The following OTUD7A variants were observed in gnomAD, a reference collection of about 807,000 sequenced individuals.
The protein encoded by OTUD7A is OTU domain-containing protein 7A.
OTUD7A carries 12 observed loss-of-function variants against 65.7 expected under a neutral mutation model. That is an observed-to-expected ratio of 0.18 (90% CI 0.12 to 0.30). The LOEUF is 0.30. Ranked by LOEUF, OTUD7A falls within the 10% of genes least tolerant of loss-of-function variation. The probability of loss-of-function intolerance (pLI) is 1.00; values close to 1 mark genes in which losing one functional copy is unlikely to be tolerated. For missense variants in OTUD7A, 1,148 were observed against 1,304.8 expected (o/e 0.88, Z 1.85); for synonymous variants, 641 against 586.3 (o/e 1.09, Z -1.35).
At position 31,669,688 on chromosome 15, in the gene OTUD7A, T is replaced by A. The variant is rs2141294119; in HGVS notation, c.-99-12611A>T. Among the ~76,000 whole-genome samples the A allele has an allele frequency of 2.0e-5, 3 of 152,298 alleles. No individual in the cohort carries two copies. The Middle Eastern group carries it at 0.01, about 518-fold the overall frequency. ...GAGGCTTCTCACCCAGTTCAAATTG[T>A]TACAAAGTTCAGCTGGAGACTTCCT... On this transcript the variant is annotated intron_variant, in intron 1 of 12. Transcript: ENST00000307050.
intron 5 of OTUD7A, 41 bp downstream of exon 5, chr15:31,558,928 C>T (rs1017438309): frequency 6.2e-7 from 1 of 1,601,838 alleles, no homozygotes; most frequent in Non-Finnish European, 8.5e-7. Context: ...CACCATTCAC[C>T]AAGCCTAAAG....
chr15:31,856,026 T>C (rs1897563385), intron 1 of OTUD7A, among the ~76,000 whole-genome samples: 1 of 152,208 alleles, frequency 6.6e-6, no homozygotes, highest in Admixed American at 6.5e-5. Context: ...GCCACGTCAA[T>C]GGTAACTCCA....
At chr15:31,652,070 A>G (rs1484142680) in intron 3 of OTUD7A, among the ~76,000 whole-genome samples, 1 of 152,104 alleles carries the variant, frequency 6.6e-6, no homozygotes, top group African/African-American at 2.4e-5. Context: ...AAATCACACT[A>G]TCTGATTTTA....
At chr15:31,736,205 A>C (rs1384323798) in intron 1 of OTUD7A, among the ~76,000 whole-genome samples, 1 of 152,164 alleles carries the variant, frequency 6.6e-6, no homozygotes, top group Non-Finnish European at 1.5e-5. Flanking sequence ...CTGAACTTAA[A>C]AGTTATAAAA....
intron 4 of OTUD7A, among the ~76,000 whole-genome samples, chr15:31,564,411 A>G (rs1221044787): frequency 9.7e-6 from 1 of 103,442 alleles, no homozygotes; most frequent in Non-Finnish European, 2.1e-5. Context: ...AGCAAAAGAG[A>G]AAAGAATACA....
chr15:31,486,398 TG>T (rs1414613614), intron 12 of OTUD7A, among the ~76,000 whole-genome samples: 2 of 152,248 alleles, frequency 1.3e-5, no homozygotes, highest in African/African-American at 4.8e-5. Context: ...TGAGCAGTGC[TG>T]GCCACCGCCC....
At chr15:31,557,704 T>C (rs941911335) in intron 5 of OTUD7A, 2 of 152,326 alleles carry the variant, frequency 1.3e-5, no homozygotes, top group Non-Finnish European at 2.9e-5. Context: ...GAGTCCTTTA[T>C]CTCACAGTTT....
At chr15:31,819,324 GC>G (rs1896623917) in intron 1 of OTUD7A, among the ~76,000 whole-genome samples, 1 of 152,186 alleles carries the variant, frequency 6.6e-6, no homozygotes, top group African/African-American at 2.4e-5. Context: ...AGCCTGATGA[GC>G]TCAAGAAGGC....
chr15:31,493,136 G>A (rs1043249958), intron 10 of OTUD7A, among the ~76,000 whole-genome samples: 3 of 141,004 alleles, frequency 2.1e-5, no homozygotes, highest in Admixed American at 7.3e-5. Context: ...AACCTGAGAG[G>A]TTGAGGTTGT....
chr15:31,808,098 A>AGCACACAC (rs796547270), intron 1 of OTUD7A, among the ~76,000 whole-genome samples: 1 of 95,800 alleles, frequency 1.0e-5, no homozygotes, highest in African/African-American at 3.5e-5. Flanking sequence ...ACAAATGCCA[A>AGCACACAC]ACACACACAC....
At chr15:31,592,868 A>C (rs1216607882) in intron 3 of OTUD7A, among the ~76,000 whole-genome samples, 1 of 100,390 alleles carries the variant, frequency 1.0e-5, no homozygotes, top group Non-Finnish European at 1.8e-5. Context: ...TGACAGAGCA[A>C]GGCTCTGTCT....
chr15:31,696,137 CA>C lies in OTUD7A; in HGVS notation c.-99-39061del, dbSNP rs535561049. ...AGCTGTGGGTGTGAGTGACAGGGCACAGGGTTGAGGGGGGCACAAGGGGCTG... is the reference window on the plus strand; with the variant it reads ...AGCTGTGGGTGTGAGTGACAGGGCACGGGTTGAGGGGGGCACAAGGGGCTG... On this transcript the variant is annotated intron_variant, in intron 1 of 12. Transcript: ENST00000307050. 3.2e-4 allele frequency among the ~76,000 whole-genome samples: 47 copies of C among 148,100 alleles called. No individual in the cohort carries two copies. In the South Asian group the frequency reaches 0.01, roughly 33 times the overall value.
At chr15:31,620,069 T>G (rs926256501) in intron 3 of OTUD7A, among the ~76,000 whole-genome samples, 2 of 152,210 alleles carry the variant, frequency 1.3e-5, no homozygotes, top group African/African-American at 4.8e-5. Context: ...TGGATTACAT[T>G]TATTGATTTG....
At position 31,592,286 on chromosome 15, in the gene OTUD7A, A is replaced by C. The variant is rs1281880580; in HGVS notation, c.152-22089T>G. On this transcript the variant is annotated intron_variant, in intron 3 of 12. Coordinates refer to ENST00000307050, the MANE Select transcript of OTUD7A (RefSeq NM_001382637.1). ...TAAAACTTTTTGACTCCTGTATTACAAAGTGTTACTAACACTTAGACTAAA... is the reference window on the plus strand; with the variant it reads ...TAAAACTTTTTGACTCCTGTATTACCAAGTGTTACTAACACTTAGACTAAA... Among the ~76,000 whole-genome samples the C allele has an allele frequency of 2.0e-5, 3 of 152,214 alleles. No homozygotes were observed. In the East Asian group the frequency reaches 5.8e-4, roughly 29 times the overall value.
chr15:31,724,552 T>C (rs974134271), intron 1 of OTUD7A, among the ~76,000 whole-genome samples: 1 of 152,184 alleles, frequency 6.6e-6, no homozygotes, highest in East Asian at 1.9e-4. Flanking sequence ...CCTAAGGAGA[T>C]AGGAATGGGT....
At chr15:31,842,197 G>A (rs191534573) in intron 1 of OTUD7A, among the ~76,000 whole-genome samples, 7 of 152,376 alleles carry the variant, frequency 4.6e-5, no homozygotes, top group Middle Eastern at 3.4e-3. Context: ...AATCTATGGT[G>A]TTAGAAGTGA....
chr15:31,833,107 G>C (rs76293745), intron 1 of OTUD7A, among the ~76,000 whole-genome samples: 4,227 of 152,304 alleles, frequency 0.028, 211 homozygotes, highest in African/African-American at 0.096. Context: ...ATCCTAATGG[G>C]TGTGCAGTGA....
At chr15:31,621,812 T>C (rs1418604051) in intron 3 of OTUD7A, among the ~76,000 whole-genome samples, 1 of 150,116 alleles carries the variant, frequency 6.7e-6, no homozygotes, top group Non-Finnish European at 1.5e-5. Context: ...GCCATTATGA[T>C]GTTAGCTGGT....
At chr15:31,662,619 C>T (rs2141286214) in intron 1 of OTUD7A, among the ~76,000 whole-genome samples, 1 of 152,270 alleles carries the variant, frequency 6.6e-6, no homozygotes, top group Non-Finnish European at 1.5e-5. Flanking sequence ...CTCCAAAGAA[C>T]TATGAGTCTT....
Sources: gnomAD v4.1 joint callset for allele counts (sites outside exome capture counted in the v4.1 genomes callset) on GRCh38, gnomAD v4.1.1 for gene constraint, MANE v1.5 for transcripts, NCBI Gene and HGNC (gene_info 2026-07-23, HGNC 2026-07-21) for gene names.